The following PDZD2 variants were observed in gnomAD, a reference collection of about 807,000 sequenced individuals.
PDZD2 encodes the protein PDZ domain containing 2, also known as PDZ domain-containing protein 2.
PDZD2 carries 90 observed loss-of-function variants against 220.7 expected under a neutral mutation model. The observed-to-expected ratio is 0.41, with a 90% CI of 0.34 to 0.49. PDZD2 has a LOEUF of 0.49. Among genes scored for constraint, PDZD2 ranks in the 20% least tolerant of loss-of-function variants. The probability of loss-of-function intolerance (pLI) is 0.28; values close to 1 mark genes in which losing one functional copy is unlikely to be tolerated. For missense variants in PDZD2, 3,174 were observed against 3,608.5 expected (o/e 0.88, Z 3.08); for synonymous variants, 1,375 against 1,450.5 (o/e 0.95, Z 1.18).
intron 1 of PDZD2, among the ~76,000 whole-genome samples, chr5:31,709,331 G>A (rs1747977728): frequency 6.6e-6 from 1 of 151,764 alleles, no homozygotes; most frequent in African/African-American, 2.4e-5. Context: ...CTACAGAAAA[G>A]CAAAAAATCA....
chr5:31,918,030 C>A (rs938908365), intron 2 of PDZD2, among the ~76,000 whole-genome samples: 1 of 152,194 alleles, frequency 6.6e-6, no homozygotes, highest in Non-Finnish European at 1.5e-5. Context: ...AGGACACTTA[C>A]AGTCATGGCA....
intron 1 of PDZD2, among the ~76,000 whole-genome samples, chr5:31,698,013 C>T (rs2150132034): frequency 6.6e-6 from 1 of 151,900 alleles, no homozygotes; most frequent in African/African-American, 2.4e-5. Context: ...AGTGATTCTT[C>T]TGCCTCAGCC....
At chr5:32,069,439 A>T in intron 14 of PDZD2, 130 bp from the exon 15 acceptor site, 1 of 635,022 alleles carries the variant, frequency 1.6e-6, no homozygotes, top group South Asian at 1.9e-5. Flanking sequence ...GCTTCGGAGG[A>T]TGGTCATAAT....
chr5:32,099,035 TA>T (rs1744005570), intron 23 of PDZD2: 1 of 160,570 alleles, frequency 6.2e-6, no homozygotes, highest in Non-Finnish European at 1.4e-5. Context: ...AGCAAGGTTG[TA>T]TTCTTTCCTG....
chr5:31,910,102 T>G (rs1164787579), intron 2 of PDZD2, among the ~76,000 whole-genome samples: 1 of 152,118 alleles, frequency 6.6e-6, no homozygotes, highest in Non-Finnish European at 1.5e-5. Context: ...CTCACTTTAT[T>G]CAGGGAACTA....
chr5:31,969,536 C>A (rs375040294), intron 2 of PDZD2, among the ~76,000 whole-genome samples: 12,627 of 59,494 alleles, frequency 0.21, 14 homozygotes, highest in Non-Finnish European at 0.23. Flanking sequence ...AAAAAAAAAA[C>A]AATGGATATG....
At chr5:31,811,004 CAG>C (rs1213403298) in intron 2 of PDZD2, among the ~76,000 whole-genome samples, 2 of 152,058 alleles carry the variant, frequency 1.3e-5, no homozygotes, top group Non-Finnish European at 2.9e-5. Context: ...TTTTTTGAGA[CAG>C]AGTCTCGCTG....
At chr5:31,944,117 T>A (rs1299705742) in intron 2 of PDZD2, among the ~76,000 whole-genome samples, 1 of 152,232 alleles carries the variant, frequency 6.6e-6, no homozygotes, top group Non-Finnish European at 1.5e-5. Flanking sequence ...TTTAAACATT[T>A]AGGGTATTGT....
chr5:31,690,286 G>A (rs746177433), intron 1 of PDZD2, among the ~76,000 whole-genome samples: 1 of 152,074 alleles, frequency 6.6e-6, no homozygotes, highest in Non-Finnish European at 1.5e-5. Context: ...AAAACAACTT[G>A]TGGAGTTGTT....
At chr5:31,924,463 C>A (rs988746256) in intron 2 of PDZD2, among the ~76,000 whole-genome samples, 1 of 151,438 alleles carries the variant, frequency 6.6e-6, no homozygotes, top group African/African-American at 2.4e-5. Context: ...AGACGCACTT[C>A]TTCTGAAAAA....
At chr5:32,006,739 C>G (rs1752842514) in intron 5 of PDZD2, among the ~76,000 whole-genome samples, 2 of 137,704 alleles carry the variant, frequency 1.5e-5, no homozygotes, top group Non-Finnish European at 3.0e-5. Context: ...ACCCAGACTG[C>G]AGTGCGGTGG....
At chr5:32,026,496 C>G (rs1356267981) in intron 6 of PDZD2, among the ~76,000 whole-genome samples, 1 of 152,224 alleles carries the variant, frequency 6.6e-6, no homozygotes, top group Non-Finnish European at 1.5e-5. Context: ...CTTCCCACCA[C>G]TACCTTTTAC....
chr5:31,855,026 C>G, intron 2 of PDZD2: 1 of 985,272 alleles, frequency 1.0e-6, no homozygotes, highest in Non-Finnish European at 1.2e-6. Flanking sequence ...CCCCGGGCCG[C>G]CTGCAGGTGA....
At position 31,983,136 on chromosome 5, in the gene PDZD2, A is replaced by G; in HGVS notation, c.477-19A>G. The G allele has an allele frequency of 6.2e-7, 1 of 1,601,826 alleles. No homozygotes were observed. Among genetic ancestry groups the G allele is most frequent in the Non-Finnish European group, 8.5e-7 (1 of 1,173,352 alleles). On this transcript the variant is annotated intron_variant, in intron 2 of 24. Transcript: ENST00000438447. ...AAGGGTGTGTGGGGTTCTAACTGGC[A>G]CCTCTCTGTCTGTTGCAGTTACCTG...
intron 5 of PDZD2, among the ~76,000 whole-genome samples, chr5:32,001,359 G>C (rs1489445630): frequency 6.6e-6 from 1 of 152,206 alleles, no homozygotes; most frequent in Non-Finnish European, 1.5e-5. Context: ...TGTGGCTTCT[G>C]CTCTCACTTG....
At chr5:31,922,921 C>T (rs749248564) in intron 2 of PDZD2, among the ~76,000 whole-genome samples, 2 of 137,594 alleles carry the variant, frequency 1.5e-5, no homozygotes, top group Non-Finnish European at 3.1e-5. Context: ...CTCTAGCAAT[C>T]CACCCACCTT....
At chr5:31,968,784 T>C (rs942515675) in intron 2 of PDZD2, among the ~76,000 whole-genome samples, 1 of 152,180 alleles carries the variant, frequency 6.6e-6, no homozygotes, top group Non-Finnish European at 1.5e-5. Context: ...ACACGTCAAG[T>C]CTGCTGCACC....
intron 3 of PDZD2, among the ~76,000 whole-genome samples, chr5:31,994,557 C>T (rs561755156): frequency 6.6e-6 from 1 of 152,068 alleles, no homozygotes; most frequent in Non-Finnish European, 1.5e-5. Context: ...ACCATCTTGG[C>T]CCACTACAAC....
chr5:31,702,295 A>T (rs969160365), intron 1 of PDZD2, among the ~76,000 whole-genome samples: 1 of 152,184 alleles, frequency 6.6e-6, no homozygotes, highest in Non-Finnish European at 1.5e-5. Context: ...TGCTGTGCAG[A>T]TGGCAAAACT....
Sources: allele counts gnomAD v4.1 joint callset (sites outside exome capture counted in the v4.1 genomes callset), GRCh38; gene constraint gnomAD v4.1.1; transcripts MANE v1.5; gene names NCBI Gene and HGNC (gene_info 2026-07-23, HGNC 2026-07-21).